Variants in TMED8 observed in about 807,000 individuals in gnomAD.
The protein encoded by TMED8 is transmembrane p24 trafficking protein family member 8, also known as protein TMED8.
Under a neutral mutation model 32.7 loss-of-function variants are expected in TMED8, and 15 were observed. That is an observed-to-expected ratio of 0.46 (90% confidence interval 0.31 to 0.71). The LOEUF (loss-of-function observed/expected upper bound fraction) is 0.71, where lower values mean the gene tolerates loss of function less well. Among genes scored for constraint, TMED8 ranks in the 30% least tolerant of loss-of-function variants. TMED8 has a pLI of 0.06. For missense variants in TMED8, 390 were observed against 423.9 expected (o/e 0.92, Z 0.70); for synonymous variants, 147 against 161.4 (o/e 0.91, Z 0.68).
chr14:77,360,080 T>C (rs768538839), intron 1 of TMED8, among the ~76,000 whole-genome samples: 4 of 152,238 alleles, frequency 2.6e-5, no homozygotes, highest in Non-Finnish European at 4.4e-5. Flanking sequence ...GATATACATA[T>C]AGATGGTGAA....
At chr14:77,364,541 T>G (rs540252294) in intron 1 of TMED8, among the ~76,000 whole-genome samples, 1 of 152,172 alleles carries the variant, frequency 6.6e-6, no homozygotes, top group East Asian at 1.9e-4. Context: ...CATGATATTT[T>G]TTTTAAGATG....
intron 1 of TMED8, among the ~76,000 whole-genome samples, chr14:77,367,257 A>ACAAC (rs1893573958): frequency 1.3e-5 from 2 of 151,452 alleles, no homozygotes; most frequent in Non-Finnish European, 2.9e-5. Flanking sequence ...AAAAAAAAAA[A>ACAAC]AAAAAAAAAA....
At chr14:77,359,876 T>C (rs1319266019) in intron 1 of TMED8, 2 of 174,186 alleles carry the variant, frequency 1.1e-5, no homozygotes, top group African/African-American at 4.8e-5. Flanking sequence ...CTCTTTGGCT[T>C]TCAACAACTA....
chr14:77,364,718 T>A (rs1388149857), intron 1 of TMED8, among the ~76,000 whole-genome samples: 1 of 152,176 alleles, frequency 6.6e-6, no homozygotes, highest in Non-Finnish European at 1.5e-5. Flanking sequence ...AGCCTTTTTT[T>A]ACTTCATTTC....
chr14:77,373,047 C>G lies in TMED8; in HGVS notation c.118+3889G>C, dbSNP rs569327255. On this transcript the variant is annotated intron_variant, in intron 1 of 5. Transcript: ENST00000216468. ...GTGGTGCAATCTCGGCTCACTGCAA[C>G]CTCTGCCTCCTGGGTTCAAGTGATT... Among the ~76,000 whole-genome samples the G allele has an allele frequency of 1.8e-3, 244 of 138,142 alleles. 3 individuals carry two copies. Among genetic ancestry groups the G allele is most frequent in the African/African-American group, 6.4e-3 (236 of 37,158 alleles). 90.6% of individuals were successfully genotyped at this position (138,142 alleles called of 152,430 possible).
chr14:77,366,970 C>T (rs979211716), intron 1 of TMED8, among the ~76,000 whole-genome samples: 1 of 152,038 alleles, frequency 6.6e-6, no homozygotes, highest in Non-Finnish European at 1.5e-5. Flanking sequence ...CTAGGCTGGG[C>T]GCAGTGGCTT....
At chr14:77,353,183 G>A (rs1484426224) in intron 1 of TMED8, among the ~76,000 whole-genome samples, 1 of 152,128 alleles carries the variant, frequency 6.6e-6, no homozygotes, top group Admixed American at 6.5e-5. Context: ...GCCTTTCCTT[G>A]AACACCCAGA....
intron 1 of TMED8, 49 bp from the exon 2 acceptor site, chr14:77,351,800 T>C (rs1325512589): frequency 3.4e-6 from 5 of 1,468,784 alleles, no homozygotes; most frequent in Non-Finnish European, 2.8e-6. Context: ...GGGAATACAA[T>C]CATAATTATC....
intron 1 of TMED8, among the ~76,000 whole-genome samples, chr14:77,358,486 A>G (rs1316077283): frequency 6.6e-6 from 1 of 152,036 alleles, no homozygotes; most frequent in Non-Finnish European, 1.5e-5. Flanking sequence ...TTTAGTAGAG[A>G]CAGGGTTTCA....
At chr14:77,365,765 AAAGT>A (rs1893538538) in intron 1 of TMED8, among the ~76,000 whole-genome samples, 1 of 152,208 alleles carries the variant, frequency 6.6e-6, no homozygotes, top group Non-Finnish European at 1.5e-5. Flanking sequence ...CTAGCAGGAA[AAAGT>A]GTGTGAAGGT....
rs530529351 is a variant in TMED8 at position 77,369,182 on chromosome 14, T to C, written c.118+7754A>G. ...ACCCACTGCTCTATGTTAACAATCT[T>C]TGTTGCAAAGCAAGTGTCCGTATAA... On this transcript the variant is annotated intron_variant, in intron 1 of 5. Coordinates refer to ENST00000216468, the MANE Select transcript of TMED8 (RefSeq NM_213601.3). Among the ~76,000 whole-genome samples the C allele has an allele frequency of 4.6e-5, 7 of 152,342 alleles. No homozygotes were observed. The East Asian group carries it at 1.2e-3, about 25-fold the overall frequency.
chr14:77,356,390 C>T (rs1893293080), intron 1 of TMED8, among the ~76,000 whole-genome samples: 1 of 152,156 alleles, frequency 6.6e-6, no homozygotes. Flanking sequence ...TGTTTAAAAA[C>T]CTTTATTGTA....
At chr14:77,348,927 A>G (rs1320235952) in intron 2 of TMED8, among the ~76,000 whole-genome samples, 4 of 152,086 alleles carry the variant, frequency 2.6e-5, no homozygotes, top group Non-Finnish European at 5.9e-5. Flanking sequence ...AAACTGGCCT[A>G]GGCTGTGGGT....
At chr14:77,375,112 C>T (rs1893782125) in intron 1 of TMED8, among the ~76,000 whole-genome samples, 1 of 152,094 alleles carries the variant, frequency 6.6e-6, no homozygotes, top group Non-Finnish European at 1.5e-5. Context: ...ACCTCTGGCA[C>T]AGAATAAGCA....
chr14:77,344,879 A>T (rs1191031643), intron 3 of TMED8, among the ~76,000 whole-genome samples: 1 of 152,246 alleles, frequency 6.6e-6, no homozygotes, highest in Non-Finnish European at 1.5e-5. Flanking sequence ...GCGTGCTTAA[A>T]TAAATCCTTC....
intron 5 of TMED8, among the ~76,000 whole-genome samples, chr14:77,342,732 A>T (rs1892935150): frequency 6.6e-6 from 1 of 152,222 alleles, no homozygotes; most frequent in African/African-American, 2.4e-5. Flanking sequence ...AGTAACCAAT[A>T]GCCAGCTATG....
intron 1 of TMED8, among the ~76,000 whole-genome samples, chr14:77,369,546 C>G (rs1357606094): frequency 2.2e-4 from 34 of 152,310 alleles, no homozygotes; most frequent in Non-Finnish European, 2.9e-5. Flanking sequence ...TTTCCTGTTA[C>G]TTTAGTTCAA....
intron 1 of TMED8, among the ~76,000 whole-genome samples, chr14:77,374,775 G>T (rs902091964): frequency 2.0e-4 from 31 of 152,190 alleles, no homozygotes; most frequent in Non-Finnish European, 1.0e-4. Flanking sequence ...AGTAGATAAA[G>T]AATTGTAATA....
rs1473956088 is a variant in TMED8, at chr14:77,340,385, T to TA, written c.*1385dup. 6.6e-6 allele frequency: 1 copy of TA among 152,176 alleles called. No individual in the cohort carries two copies. The highest frequency in any genetic ancestry group is 2.4e-5 in the African/African-American group (1 of 41,450). The allele number at this position is 152,176 out of a possible 1,614,324, so 9.4% of individuals were successfully genotyped here. On this transcript the variant is annotated 3_prime_UTR_variant, in exon 6 of 6. Coordinates refer to ENST00000216468, the MANE Select transcript of TMED8 (RefSeq NM_213601.3). ...GTTTCAAAGGCAAAATGAAATGTGC[T>TA]AAAAAAATAAATACAGTAATAAATA...
Sources: allele counts gnomAD v4.1 joint callset (sites outside exome capture counted in the v4.1 genomes callset), GRCh38; gene constraint gnomAD v4.1.1; transcripts MANE v1.5; gene names NCBI Gene and HGNC (gene_info 2026-07-23, HGNC 2026-07-21).